ATP6V1D: variants seen among roughly 807,000 people sequenced by gnomAD.
The protein encoded by ATP6V1D is ATPase H+ transporting V1 subunit D.
Under a neutral mutation model 39.4 loss-of-function variants are expected in ATP6V1D, and 20 were observed. The observed-to-expected ratio is 0.51, with a 90% CI of 0.36 to 0.74. ATP6V1D has a LOEUF of 0.74. Ranked by LOEUF, ATP6V1D falls within the 30% of genes least tolerant of loss-of-function variation. The probability of loss-of-function intolerance (pLI) is 0.00; values close to 1 mark genes in which losing one functional copy is unlikely to be tolerated. For missense variants in ATP6V1D, 228 were observed against 291.6 expected (o/e 0.78, Z 1.59); for synonymous variants, 100 against 100.5 (o/e 0.99, Z 0.03).
At position 67,343,555 on chromosome 14, in the gene ATP6V1D, T is replaced by C. The variant is rs1036413191; in HGVS notation, c.457-117A>G. ...CATTTGAGAACCAAGACAACTTCTTTTTGGCATGCTTAAAAAACAAAATTC... is the reference window on the plus strand; with the variant it reads ...CATTTGAGAACCAAGACAACTTCTTCTTGGCATGCTTAAAAAACAAAATTC... On this transcript the variant is annotated intron_variant, in intron 6 of 8. Transcript: ENST00000216442. The C allele has an allele frequency of 6.6e-6, 5 of 760,550 alleles. No homozygotes were observed. The African/African-American group carries it at 8.8e-5, about 13-fold the overall frequency. The allele number at this position is 760,550 out of a possible 1,614,324, so 47.1% of individuals were successfully genotyped here.
intron 7 of ATP6V1D, among the ~76,000 whole-genome samples, chr14:67,340,899 CT>C (rs1249327577): frequency 6.6e-6 from 1 of 152,250 alleles, no homozygotes; most frequent in Non-Finnish European, 1.5e-5. Flanking sequence ...TGGTCTCCAG[CT>C]CCTAACTGCG....
chr14:67,358,682 C>A (rs2085703407), intron 1 of ATP6V1D, among the ~76,000 whole-genome samples: 1 of 152,016 alleles, frequency 6.6e-6, no homozygotes, highest in Non-Finnish European at 1.5e-5. Flanking sequence ...CCTGGGAGAC[C>A]CTGTCTCTTA....
At chr14:67,341,090 C>T (rs1186652194) in intron 7 of ATP6V1D, among the ~76,000 whole-genome samples, 2 of 152,220 alleles carry the variant, frequency 1.3e-5, no homozygotes, top group Admixed American at 6.5e-5. Context: ...TCTGCCCAGC[C>T]GCCACCCGGT....
At chr14:67,343,525 G>T in intron 6 of ATP6V1D, 87 bp from the exon 7 acceptor site, 1 of 926,860 alleles carries the variant, frequency 1.1e-6, no homozygotes. Context: ...TGCACTTGTA[G>T]AAAACATTTG....
Position 67,350,669 on chromosome 14 carries a change from C to T in ATP6V1D, c.181G>A (p.Val61Met). The T allele has an allele frequency of 6.2e-7, 1 of 1,613,532 alleles. No individual in the cohort carries two copies. The highest frequency in any genetic ancestry group is 1.3e-5 in the African/African-American group (1 of 75,016). The change falls in exon 3 of 9, where the codon GTG becomes ATG. Residue 61 changes from valine (V) to methionine (M), a missense_variant. Transcript: ENST00000216442. ...AGTGAAAAGGCAGCTTCTCTCATCA[C>T]TTCGCCCATCAACATTTTAGTCTGG... Reference protein sequence around the residue: ...IIETKMLMGEVMREAAFSLAE... With the variant: ...IIETKMLMGEMMREAAFSLAE...
At chr14:67,355,851 T>C (rs1165531208) in intron 1 of ATP6V1D, among the ~76,000 whole-genome samples, 1 of 151,212 alleles carries the variant, frequency 6.6e-6, no homozygotes, top group Non-Finnish European at 1.5e-5. Context: ...AATATCAAAA[T>C]TACCTGGGCA....
At chr14:67,356,174 C>A (rs553477065) in intron 1 of ATP6V1D, among the ~76,000 whole-genome samples, 2 of 152,132 alleles carry the variant, frequency 1.3e-5, no homozygotes, top group Non-Finnish European at 2.9e-5. Flanking sequence ...AATACCAACA[C>A]TTTGGGAGGC....
chr14:67,342,015 C>T (rs2085588224), intron 7 of ATP6V1D, among the ~76,000 whole-genome samples: 1 of 151,528 alleles, frequency 6.6e-6, no homozygotes. Flanking sequence ...TCACCACTCC[C>T]TAATCTCAAG....
At chr14:67,343,683 A>G (rs1410095305) in intron 6 of ATP6V1D, among the ~76,000 whole-genome samples, 3 of 152,212 alleles carry the variant, frequency 2.0e-5, no homozygotes, top group Non-Finnish European at 2.9e-5. Context: ...TGGGCAACAC[A>G]ATGAGACCTT....
intron 3 of ATP6V1D, among the ~76,000 whole-genome samples, chr14:67,349,427 T>C (rs902079148): frequency 2.0e-5 from 3 of 152,238 alleles, no homozygotes; most frequent in African/African-American, 4.8e-5. Flanking sequence ...TAGTGTGAGA[T>C]AGAGAAAACT....
At position 67,345,866 on chromosome 14, in the gene ATP6V1D, C is replaced by T. The variant is rs1463498660; in HGVS notation, c.358G>A (p.Glu120Lys). The change falls in exon 6 of 9, where the codon GAA becomes AAA. Residue 120 changes from glutamate to lysine, a missense_variant. By Grantham distance (56) the Glu-to-Lys change is moderately conservative. Transcript: ENST00000216442. ...CCACCTCTGGCTAAACCAGTCAGTT[C>T]ATAACCTGAAAGGACCAGTCAGACA... is the stretch of plus-strand genomic sequence containing the variant. ...EHYHEGTDSY[E>K]LTGLARGGEQ... 1 of 1,610,448 alleles carries T rather than the reference C, an allele frequency of 6.2e-7. No individual in the cohort carries two copies. Among genetic ancestry groups the T allele is most frequent in the Non-Finnish European group, 8.5e-7 (1 of 1,176,960 alleles).
chr14:67,353,264 G>A (rs72717397), intron 1 of ATP6V1D, among the ~76,000 whole-genome samples: 3,782 of 152,290 alleles, frequency 0.025, 72 homozygotes, highest in Non-Finnish European at 0.036. Context: ...TGGGAGGTGG[G>A]ACCATCAAGA....
intron 3 of ATP6V1D, 77 bp from the exon 4 acceptor site, chr14:67,349,181 C>T: frequency 7.4e-7 from 1 of 1,360,072 alleles, no homozygotes; most frequent in Non-Finnish European, 1.0e-6. Context: ...ATAGTTTTAA[C>T]ATTAAATGAG....
intron 4 of ATP6V1D, 43 bp from the exon 5 acceptor site, chr14:67,347,496 TTCTC>T: frequency 7.0e-7 from 1 of 1,425,112 alleles, no homozygotes; most frequent in Non-Finnish European, 9.4e-7. Flanking sequence ...AACCTTTAAG[TTCTC>T]TCTTTTTTTT....
At chr14:67,347,362 C>T in intron 5 of ATP6V1D, 47 bp downstream of exon 5, 1 of 1,472,510 alleles carries the variant, frequency 6.8e-7, no homozygotes, top group East Asian at 2.3e-5. Flanking sequence ...AAAGAGGAAA[C>T]AGGAAATCCC....
rs756733903 is a variant in ATP6V1D at position 67,338,593 on chromosome 14, G to A, written c.*28C>T. The A allele has an allele frequency of 2.5e-6, 4 of 1,604,330 alleles. No homozygotes were observed. Among genetic ancestry groups the A allele is most frequent in the Non-Finnish European group, 1.7e-6 (2 of 1,175,948 alleles). On this transcript the variant is annotated 3_prime_UTR_variant, in exon 9 of 9. Transcript: ENST00000216442. ...GAATTAAAATGAAGCCAGTGTTAGGGTTTCTCAAAGAACCAGAACAGGAAA... is the reference window on the plus strand; with the variant it reads ...GAATTAAAATGAAGCCAGTGTTAGGATTTCTCAAAGAACCAGAACAGGAAA...
intron 7 of ATP6V1D, among the ~76,000 whole-genome samples, chr14:67,341,733 GGAATA>G (rs1375629095): frequency 6.6e-6 from 1 of 152,260 alleles, no homozygotes; most frequent in African/African-American, 2.4e-5. Context: ...GCGGTTTTGT[GGAATA>G]GAAAAGGGGG....
chr14:67,355,408 A>C lies in ATP6V1D; in HGVS notation c.42-2368T>G, dbSNP rs1242680392. Among the ~76,000 whole-genome samples the C allele has an allele frequency of 2.9e-5, 4 of 137,348 alleles. 1 individual carries two copies. The East Asian group carries it at 9.1e-4, about 31-fold the overall frequency. 90.1% of individuals were successfully genotyped at this position (137,348 alleles called of 152,430 possible). ...CCAGATACAATTTAATAATGAAAAA[A>C]GTGGAGCCCAGTTCGAGGATGTAGA... On this transcript the variant is annotated intron_variant, in intron 1 of 8. Transcript: ENST00000216442.
intron 5 of ATP6V1D, 146 bp from the exon 6 acceptor site, chr14:67,346,017 C>G: frequency 3.2e-6 from 2 of 622,198 alleles, no homozygotes; most frequent in Non-Finnish European, 5.7e-6. Context: ...AAGTGCCTAT[C>G]TCACTCCCCA....
Sources: gnomAD v4.1 joint callset for allele counts (sites outside exome capture counted in the v4.1 genomes callset) on GRCh38, gnomAD v4.1.1 for gene constraint, MANE v1.5 for transcripts, NCBI Gene and HGNC (gene_info 2026-07-23, HGNC 2026-07-21) for gene names.